Variants in CREB5 observed in about 807,000 individuals in gnomAD.
CREB5 encodes the protein cyclic AMP-responsive element-binding protein 5.
In CREB5, 19 loss-of-function variants were observed where a neutral mutation model predicts 57.1. That is an observed-to-expected ratio of 0.33 (90% CI 0.23 to 0.49). CREB5 has a LOEUF of 0.49. Ranked by LOEUF, CREB5 falls within the 20% of genes least tolerant of loss-of-function variation. The pLI is 0.99. For missense variants in CREB5, 579 were observed against 671.6 expected, an observed-to-expected ratio of 0.86 and a Z score of 1.52; for synonymous variants, 238 against 238.3, an observed-to-expected ratio of 1.00 and a Z score of 0.01.
At chr7:28,395,528 C>A (rs1044776600) in intron 1 of CREB5, among the ~76,000 whole-genome samples, 5 of 152,164 alleles carry the variant, frequency 3.3e-5, no homozygotes, top group African/African-American at 1.2e-4. Context: ...CCAGGTTCTC[C>A]CCTACTCCTT....
At chr7:28,427,988 A>G (rs1312138854) in intron 1 of CREB5, among the ~76,000 whole-genome samples, 2 of 152,240 alleles carry the variant, frequency 1.3e-5, no homozygotes, top group African/African-American at 4.8e-5. Context: ...AGTGCTAAAA[A>G]GAAAGATAAA....
intron 5 of CREB5, among the ~76,000 whole-genome samples, chr7:28,641,174 G>A (rs1798644784): frequency 6.6e-6 from 1 of 152,118 alleles, no homozygotes; most frequent in African/African-American, 2.4e-5. Context: ...TAATGCCCCA[G>A]AGAGGATGAT....
intron 5 of CREB5, among the ~76,000 whole-genome samples, chr7:28,659,607 T>C (rs1000300271): frequency 6.6e-6 from 1 of 152,172 alleles, no homozygotes; most frequent in African/African-American, 2.4e-5. Flanking sequence ...TATTTTACAA[T>C]TATTTTTAGT....
intron 1 of CREB5, among the ~76,000 whole-genome samples, chr7:28,416,826 A>G (rs527432385): frequency 6.6e-6 from 1 of 152,218 alleles, no homozygotes; most frequent in Non-Finnish European, 1.5e-5. Flanking sequence ...ATTCTTTAAC[A>G]TCCATTTCAA....
At chr7:28,621,705 G>A (rs899733017) in intron 5 of CREB5, among the ~76,000 whole-genome samples, 2 of 152,158 alleles carry the variant, frequency 1.3e-5, no homozygotes, top group African/African-American at 4.8e-5. Flanking sequence ...TGTCTGTGGT[G>A]CGCTGTGAAG....
At chr7:28,711,799 C>A (rs1313621826) in intron 5 of CREB5, among the ~76,000 whole-genome samples, 1 of 152,190 alleles carries the variant, frequency 6.6e-6, no homozygotes, top group Admixed American at 6.5e-5. Flanking sequence ...ATCTTACATG[C>A]AGCCAGTGTT....
chr7:28,312,945 G>T (rs1785308496), intron 1 of CREB5, among the ~76,000 whole-genome samples: 1 of 152,160 alleles, frequency 6.6e-6, no homozygotes. Context: ...TGAAATTACA[G>T]AATTGAATGG....
Position 28,804,371 on chromosome 7 carries a change from A to G in CREB5, c.875A>G (p.His292Arg). 6.2e-7 allele frequency: 1 copy of G among 1,613,338 alleles called. No homozygotes were observed. Among genetic ancestry groups the G allele is most frequent in the Non-Finnish European group, 8.5e-7 (1 of 1,179,676 alleles). ...CTGCCACCCCATCACCCTTACCCAC[A>G]CCAGCACCAGCACCCAGCACACCAT... The part of the protein sequence containing the change: ...QTLPPHHPYP[H>R]QHQHPAHHPH... The change falls in exon 8 of 11, where the codon CAC becomes CGC. Residue 292 changes from histidine to arginine, a missense_variant. By Grantham distance (29) the His-to-Arg change is conservative. Transcript: ENST00000357727.
intron 5 of CREB5, among the ~76,000 whole-genome samples, chr7:28,684,342 C>T (rs1043057728): frequency 1.3e-5 from 2 of 152,170 alleles, no homozygotes; most frequent in Admixed American, 6.5e-5. Flanking sequence ...AGCTGCCTGC[C>T]TTGATAAAGG....
intron 5 of CREB5, among the ~76,000 whole-genome samples, chr7:28,631,467 C>A (rs745616986): frequency 6.6e-6 from 1 of 152,144 alleles, no homozygotes; most frequent in Non-Finnish European, 1.5e-5. Context: ...TTTTGTTTAA[C>A]CAATATTGAG....
chr7:28,775,260 T>C (rs1806554158), intron 7 of CREB5, among the ~76,000 whole-genome samples: 1 of 152,108 alleles, frequency 6.6e-6, no homozygotes, highest in Non-Finnish European at 1.5e-5. Flanking sequence ...ATTCTGACTC[T>C]TTTAGGCTCA....
chr7:28,647,241 G>A lies in CREB5; in HGVS notation c.465-71512G>A, dbSNP rs564995900. Among the ~76,000 whole-genome samples, 79 of 151,416 alleles carry A rather than the reference G, an allele frequency of 5.2e-4. 1 individual carries two copies. The highest frequency in any genetic ancestry group is 1.9e-3 in the African/African-American group (77 of 41,398). ...GCCACTATCACTGCTGAACAGCATC[G>A]CAAACATGACACTAAAGGGCTCAGT... is the stretch of plus-strand genomic sequence containing the variant. On this transcript the variant is annotated intron_variant, in intron 5 of 10. Coordinates refer to ENST00000357727, the MANE Select transcript of CREB5 (RefSeq NM_182898.4).
At chr7:28,543,677 A>T (rs977899646) in intron 4 of CREB5, among the ~76,000 whole-genome samples, 1 of 151,940 alleles carries the variant, frequency 6.6e-6, no homozygotes, top group African/African-American at 2.4e-5. Context: ...ATCTCAATCC[A>T]GTCCACTGGA....
intron 5 of CREB5, among the ~76,000 whole-genome samples, chr7:28,709,686 TAA>T (rs879727091): frequency 2.4e-5 from 3 of 125,048 alleles, no homozygotes; most frequent in Non-Finnish European, 3.1e-5. Context: ...AGGCTTTTAT[TAA>T]AAAAAAAAAA....
At chr7:28,550,631 C>T (rs1794599241) in intron 4 of CREB5, among the ~76,000 whole-genome samples, 1 of 152,196 alleles carries the variant, frequency 6.6e-6, no homozygotes, top group South Asian at 2.1e-4. Context: ...CGCCTCCCAC[C>T]TATAAAATGT....
intron 7 of CREB5, among the ~76,000 whole-genome samples, chr7:28,732,481 G>A (rs1338533924): frequency 2.0e-5 from 3 of 152,190 alleles, no homozygotes; most frequent in East Asian, 3.9e-4. Context: ...ATTTGTGGAC[G>A]TGTGAGCACG....
intron 5 of CREB5, among the ~76,000 whole-genome samples, chr7:28,621,560 T>C (rs1384383511): frequency 6.6e-6 from 1 of 152,222 alleles, no homozygotes; most frequent in Non-Finnish European, 1.5e-5. Flanking sequence ...TTGTTTATTT[T>C]GTCTTGTTTT....
chr7:28,768,277 T>C (rs1212965196), intron 7 of CREB5, among the ~76,000 whole-genome samples: 1 of 152,070 alleles, frequency 6.6e-6, no homozygotes, highest in African/African-American at 2.4e-5. Context: ...TGCAGATGGA[T>C]ACCATTTAAG....
intron 4 of CREB5, among the ~76,000 whole-genome samples, chr7:28,512,269 T>C (rs1009977222): frequency 3.3e-5 from 5 of 152,290 alleles, no homozygotes; most frequent in Admixed American, 6.5e-5. Flanking sequence ...GTTTATGTAC[T>C]TGAGATTGGG....
Sources: allele counts gnomAD v4.1 joint callset (sites outside exome capture counted in the v4.1 genomes callset), GRCh38; gene constraint gnomAD v4.1.1; transcripts MANE v1.5; gene names NCBI Gene and HGNC (gene_info 2026-07-23, HGNC 2026-07-21).